Variants in IL1RAPL2 observed in about 807,000 individuals in gnomAD.
The protein encoded by IL1RAPL2 is X-linked interleukin-1 receptor accessory protein-like 2.
In IL1RAPL2, 3 loss-of-function variants were observed where a neutral mutation model predicts 44.1. The observed-to-expected ratio is 0.07, with a 90% CI of 0.03 to 0.18. The LOEUF (loss-of-function observed/expected upper bound fraction) is 0.18, where lower values mean the gene tolerates loss of function less well. Ranked by LOEUF, IL1RAPL2 falls within the 10% of genes least tolerant of loss-of-function variation. The pLI, the probability that IL1RAPL2 is intolerant of heterozygous loss-of-function variation, is 1.00. For missense variants in IL1RAPL2, 391 were observed against 496.4 expected, an observed-to-expected ratio of 0.79 and a Z score of 2.02; for synonymous variants, 181 against 178.8, an observed-to-expected ratio of 1.01 and a Z score of -0.10.
intron 6 of IL1RAPL2, among the ~76,000 whole-genome samples, chrX:105,567,221 G>A (rs2036981168): frequency 9.0e-6 from 1 of 111,312 alleles, no homozygotes; most frequent in African/African-American, 3.3e-5. Flanking sequence ...GAGTGATACA[G>A]ACAGATGGCA....
At chrX:105,357,026 A>T (rs993345974) in intron 5 of IL1RAPL2, among the ~76,000 whole-genome samples, 1 of 111,639 alleles carries the variant, frequency 9.0e-6, no homozygotes, top group Non-Finnish European at 1.9e-5. Flanking sequence ...CCTCAGCCAC[A>T]CTATGCAGAC....
At chrX:104,658,022 G>C (rs1372246546) in intron 1 of IL1RAPL2, among the ~76,000 whole-genome samples, 1 of 112,256 alleles carries the variant, frequency 8.9e-6, no homozygotes, top group Non-Finnish European at 1.9e-5. Context: ...ATTGGTGGGA[G>C]TGTAAACTAG....
At chrX:105,383,243 C>T (rs1196840418) in intron 5 of IL1RAPL2, among the ~76,000 whole-genome samples, 1 of 110,838 alleles carries the variant, frequency 9.0e-6, no homozygotes, top group African/African-American at 3.3e-5. Context: ...TTAACCAACC[C>T]CTCTTTATTC....
chrX:104,901,644 T>C (rs905065586), intron 2 of IL1RAPL2, among the ~76,000 whole-genome samples: 1 of 111,107 alleles, frequency 9.0e-6, no homozygotes, highest in Non-Finnish European at 1.9e-5. Flanking sequence ...CCCATAGTGA[T>C]GTGTTAGTGA....
chrX:105,078,753 C>T (rs4540551), intron 2 of IL1RAPL2, among the ~76,000 whole-genome samples: 3 of 112,031 alleles, frequency 2.7e-5, no homozygotes, highest in East Asian at 2.8e-4. Context: ...CCCCCAGCCT[C>T]GCTGCCACCT....
At chrX:105,079,921 T>G (rs772904164) in intron 2 of IL1RAPL2, among the ~76,000 whole-genome samples, 1 of 112,197 alleles carries the variant, frequency 8.9e-6, no homozygotes, top group South Asian at 3.8e-4. Flanking sequence ...TATCTCATTG[T>G]GGTTTGGATT....
In IL1RAPL2 at chrX:105,531,234, T is replaced by A. The variant is rs1320621784; in HGVS notation, c.772+46847T>A. Among the ~76,000 whole-genome samples, 2 of 112,130 alleles carry A rather than the reference T, an allele frequency of 1.8e-5. 1 individual carries two copies. The highest frequency in any genetic ancestry group is 1.9e-4 in the Admixed American group (2 of 10,524). On this transcript the variant is annotated intron_variant, in intron 6 of 10. Coordinates refer to ENST00000372582, the MANE Select transcript of IL1RAPL2 (RefSeq NM_017416.2). ...CATTTCCTATTATCTGTATTTTGGA[T>A]ATAAGCCATTTTAACTGGGGTCAGA...
In IL1RAPL2 at chrX:105,670,145, AT is replaced by A. The variant is rs771828797; in HGVS notation, c.773-47221del. 7.5e-4 allele frequency among the ~76,000 whole-genome samples: 30 copies of A among 40,237 alleles called. 1 individual carries two copies. The highest frequency in any genetic ancestry group is 1.5e-3 in the Admixed American group (6 of 4,115). 34.9% of individuals were successfully genotyped at this position (40,237 alleles called of 115,157 possible). ...TATATATATATATATATATATATAT[AT>A]ATCTCCACCAGACCACACAGTCTTG... is the stretch of plus-strand genomic sequence containing the variant. On this transcript the variant is annotated intron_variant, in intron 6 of 10. Coordinates refer to ENST00000372582, the MANE Select transcript of IL1RAPL2 (RefSeq NM_017416.2).
chrX:104,888,204 GAAGAAAGAA>G (rs2147662934), intron 2 of IL1RAPL2, among the ~76,000 whole-genome samples: 1 of 105,183 alleles, frequency 9.5e-6, no homozygotes, highest in African/African-American at 3.5e-5. Context: ...GGAAAGACCA[GAAGAAAGAA>G]AAGAGAGAAA....
chrX:105,424,706 T>G (rs1320667646), intron 5 of IL1RAPL2, among the ~76,000 whole-genome samples: 1 of 108,844 alleles, frequency 9.2e-6, no homozygotes, highest in African/African-American at 3.4e-5. Flanking sequence ...GTGGAGATCA[T>G]TCCATTGCAC....
At chrX:104,709,023 G>A (rs1382661501) in intron 2 of IL1RAPL2, among the ~76,000 whole-genome samples, 1 of 111,299 alleles carries the variant, frequency 9.0e-6, no homozygotes, top group Non-Finnish European at 1.9e-5. Flanking sequence ...CAGATTAAAT[G>A]TATGCAATGA....
chrX:104,823,074 A>G (rs1042541577), intron 2 of IL1RAPL2, among the ~76,000 whole-genome samples: 3 of 111,336 alleles, frequency 2.7e-5, no homozygotes, highest in African/African-American at 6.5e-5. Context: ...TTACTGGTGT[A>G]TAGGGATGCT....
At chrX:104,790,952 G>A (rs911398035) in intron 2 of IL1RAPL2, among the ~76,000 whole-genome samples, 1 of 111,661 alleles carries the variant, frequency 9.0e-6, no homozygotes, top group East Asian at 2.8e-4. Context: ...TAATGACCAC[G>A]TGCCAGTCAC....
intron 1 of IL1RAPL2, among the ~76,000 whole-genome samples, chrX:104,582,622 T>TTC (rs1479152198): frequency 1.3e-5 from 1 of 74,240 alleles, no homozygotes; most frequent in Admixed American, 1.4e-4. Context: ...CTTTCTTTCT[T>TTC]TCTTTCTTTC....
intron 2 of IL1RAPL2, among the ~76,000 whole-genome samples, chrX:104,883,045 C>T (rs947554287): frequency 9.0e-6 from 1 of 111,445 alleles, no homozygotes; most frequent in African/African-American, 3.3e-5. Flanking sequence ...CCGGACACAC[C>T]ATCTTTAAGA....
At chrX:104,777,723 C>T (rs1000732890) in intron 2 of IL1RAPL2, among the ~76,000 whole-genome samples, 9 of 109,483 alleles carry the variant, frequency 8.2e-5, no homozygotes, top group Admixed American at 3.9e-4. Flanking sequence ...ATTACAGGCT[C>T]CCGCCACCAT....
Position 104,660,370 on chromosome X carries a change from G to A in IL1RAPL2, c.82+1375G>A, listed in dbSNP as rs749052276. ...TTTCCTTACTCGGTCATGTCATAAT[G>A]TCTGGAGCAGATCCGAAAGGAAAAA... On this transcript the variant is annotated intron_variant, in intron 2 of 10. Coordinates refer to ENST00000372582, the MANE Select transcript of IL1RAPL2 (RefSeq NM_017416.2). Among the ~76,000 whole-genome samples the A allele has an allele frequency of 2.8e-5, 3 of 108,968 alleles. No homozygotes were observed. The South Asian group carries it at 1.2e-3, about 43-fold the overall frequency. The allele number at this position is 108,968 out of a possible 115,157, so 94.6% of individuals were successfully genotyped here.
chrX:105,223,295 A>G (rs782425801), intron 3 of IL1RAPL2, among the ~76,000 whole-genome samples: 1 of 111,870 alleles, frequency 8.9e-6, no homozygotes, highest in South Asian at 3.7e-4. Flanking sequence ...AGCGGTTGAA[A>G]TAACTCAGGG....
intron 3 of IL1RAPL2, chrX:105,218,935 T>A: frequency 9.5e-7 from 1 of 1,055,789 alleles, no homozygotes; most frequent in East Asian, 4.1e-5. Flanking sequence ...GAGATATACA[T>A]GCTTCGGTTC....
Sources: allele counts gnomAD v4.1 joint callset (sites outside exome capture counted in the v4.1 genomes callset), GRCh38; gene constraint gnomAD v4.1.1; transcripts MANE v1.5; gene names NCBI Gene and HGNC (gene_info 2026-07-23, HGNC 2026-07-21).